The following DMD variants were observed in gnomAD, a reference collection of about 807,000 sequenced individuals.
The protein encoded by DMD is mutant dystrophin.
DMD carries 63 observed loss-of-function variants against 330.1 expected under a neutral mutation model. The ratio of observed to expected loss-of-function variants is 0.19; its 90% confidence interval spans 0.16 to 0.24. DMD has a LOEUF of 0.24. Among genes scored for constraint, DMD ranks in the 10% least tolerant of loss-of-function variants. DMD has a pLI of 1.00. For synonymous variants in DMD, 1,223 were observed against 959.8 expected (o/e 1.27, Z -5.07); for missense variants, 3,344 against 2,684.1 (o/e 1.25, Z -5.43).
intron 55 of DMD, among the ~76,000 whole-genome samples, chrX:31,575,784 C>T (rs1263675367): frequency 8.9e-6 from 1 of 111,823 alleles, no homozygotes; most frequent in Non-Finnish European, 1.9e-5. Flanking sequence ...AATGGACCCA[C>T]TGCAACATGC....
At chrX:32,285,183 A>G (rs1205491561) in intron 43 of DMD, among the ~76,000 whole-genome samples, 1 of 112,234 alleles carries the variant, frequency 8.9e-6, no homozygotes, top group African/African-American at 3.2e-5. Flanking sequence ...ATCACTGGCT[A>G]TCCAAGAAAC....
At chrX:32,603,110 T>C (rs1304204002) in intron 12 of DMD, among the ~76,000 whole-genome samples, 1 of 111,156 alleles carries the variant, frequency 9.0e-6, no homozygotes, top group Non-Finnish European at 1.9e-5. Flanking sequence ...GAAAATGTGC[T>C]AGGCCACAAG....
intron 1 of DMD, among the ~76,000 whole-genome samples, chrX:33,077,685 A>G (rs1486914099): frequency 1.8e-5 from 2 of 112,044 alleles, no homozygotes; most frequent in African/African-American, 6.5e-5. Flanking sequence ...ATAGCCTACT[A>G]TAAGGTATAA....
rs371802193 is a variant in DMD, at chrX:32,170,362, T to A, written c.6438+46554A>T. Among the ~76,000 whole-genome samples the A allele has an allele frequency of 3.7e-5, 4 of 108,950 alleles. No homozygotes were observed. In the East Asian group the frequency reaches 1.2e-3, roughly 32 times the overall value. 94.6% of individuals were successfully genotyped at this position (108,950 alleles called of 115,157 possible). A position where few individuals can be genotyped will look rare whatever the true frequency, so the allele number is the denominator to read the frequency against. ...TGGTGCACACCTGTAATCCCAGCTA[T>A]TCAGGAGGCTGAGGCAGGAGAATCG... On this transcript the variant is annotated intron_variant, in intron 44 of 78. Coordinates refer to ENST00000357033, the MANE Select transcript of DMD (RefSeq NM_004006.3).
At chrX:31,959,769 G>GTTTGT (rs2095282771) in intron 45 of DMD, among the ~76,000 whole-genome samples, 1 of 80,918 alleles carries the variant, frequency 1.2e-5, no homozygotes. Flanking sequence ...CAGCACCGTG[G>GTTTGT]TTTTTTTTTT....
intron 2 of DMD, among the ~76,000 whole-genome samples, chrX:33,008,810 A>ATGTG (rs1250585360): frequency 3.0e-4 from 30 of 98,628 alleles, no homozygotes; most frequent in African/African-American, 7.9e-4. Context: ...ATACGTATAT[A>ATGTG]TACACATAAA....
intron 73 of DMD, among the ~76,000 whole-genome samples, chrX:31,171,518 T>A (rs1293019481): frequency 8.9e-6 from 1 of 111,847 alleles, no homozygotes; most frequent in African/African-American, 3.2e-5. Context: ...ATACTTTGAC[T>A]AGATTTCTTC....
In DMD at chrX:31,932,896, C is replaced by G. The variant is rs529911640; in HGVS notation, c.6615-669G>C. On this transcript the variant is annotated intron_variant, in intron 45 of 78. Transcript: ENST00000357033. ...ACATTTAGGTTTGGAAAATTCTTTGCTGTGAGCAGCTATCCTCTGCATTGT... is the reference window on the plus strand; with the variant it reads ...ACATTTAGGTTTGGAAAATTCTTTGGTGTGAGCAGCTATCCTCTGCATTGT... 4.5e-5 allele frequency among the ~76,000 whole-genome samples: 5 copies of G among 112,195 alleles called. No individual in the cohort carries two copies. In the South Asian group the frequency reaches 1.8e-3, roughly 41 times the overall value.
intron 44 of DMD, among the ~76,000 whole-genome samples, chrX:32,078,414 C>G (rs1163596688): frequency 8.9e-6 from 1 of 111,947 alleles, no homozygotes; most frequent in Non-Finnish European, 1.9e-5. Flanking sequence ...CTTTCACCCC[C>G]TACATTCCGT....
At chrX:31,187,165 G>T (rs754247675) in intron 67 of DMD, among the ~76,000 whole-genome samples, 1 of 112,463 alleles carries the variant, frequency 8.9e-6, no homozygotes, top group East Asian at 2.8e-4. Flanking sequence ...TTATGATTAC[G>T]TGAGTCAGCA....
At chrX:33,134,633 T>C (rs886869859) in intron 1 of DMD, among the ~76,000 whole-genome samples, 5 of 112,383 alleles carry the variant, frequency 4.4e-5, no homozygotes, top group African/African-American at 1.6e-4. Context: ...GGTGAGGTGA[T>C]AGATATGTTA....
chrX:31,856,591 TG>T (rs2093616459), intron 48 of DMD, among the ~76,000 whole-genome samples: 1 of 112,465 alleles, frequency 8.9e-6, no homozygotes, highest in South Asian at 3.6e-4. Flanking sequence ...ATGGACTCAT[TG>T]AAGATACTAA....
At chrX:32,844,556 T>A in intron 4 of DMD, among the ~76,000 whole-genome samples, 1 of 111,941 alleles carries the variant, frequency 8.9e-6, no homozygotes, top group East Asian at 2.8e-4. Context: ...GCCTATCAGG[T>A]CAGGTCTATG....
At chrX:32,021,432 G>T (rs1439427704) in intron 44 of DMD, among the ~76,000 whole-genome samples, 2 of 110,388 alleles carry the variant, frequency 1.8e-5, no homozygotes, top group Admixed American at 1.9e-4. Context: ...TTTTGGCTCT[G>T]GGGGGAAGGA....
intron 63 of DMD, among the ~76,000 whole-genome samples, chrX:31,241,237 G>A (rs907446385): frequency 4.6e-4 from 51 of 111,710 alleles, no homozygotes; most frequent in Non-Finnish European, 9.4e-4. Context: ...CTCTCAGGAA[G>A]AAAGTATAGC....
chrX:32,261,022 C>T (rs977835512), intron 43 of DMD, among the ~76,000 whole-genome samples: 1 of 110,996 alleles, frequency 9.0e-6, no homozygotes, highest in Non-Finnish European at 1.9e-5. Context: ...TCAGGGGACA[C>T]GTGGGACACA....
chrX:32,308,707 G>A (rs2097549732), intron 42 of DMD, among the ~76,000 whole-genome samples: 1 of 111,068 alleles, frequency 9.0e-6, no homozygotes, highest in South Asian at 3.7e-4. Context: ...CACTGTGAGT[G>A]TAGCCAAGGG....
chrX:32,562,536 G>A, intron 16 of DMD, among the ~76,000 whole-genome samples: 1 of 112,474 alleles, frequency 8.9e-6, no homozygotes, highest in African/African-American at 3.2e-5. Context: ...TGAGAACTTT[G>A]CTCATTCTTT....
At chrX:31,125,018 T>A (rs1396850750) in intron 78 of DMD, among the ~76,000 whole-genome samples, 1 of 111,745 alleles carries the variant, frequency 8.9e-6, no homozygotes, top group African/African-American at 3.2e-5. Flanking sequence ...TTTGATTCTT[T>A]GGCTTCTGGA....
Sources: gnomAD v4.1 joint callset for allele counts (sites outside exome capture counted in the v4.1 genomes callset) on GRCh38, gnomAD v4.1.1 for gene constraint, MANE v1.5 for transcripts, NCBI Gene and HGNC (gene_info 2026-07-23, HGNC 2026-07-21) for gene names.